TMPRSS15: variants seen among roughly 807,000 people sequenced by gnomAD.
The protein encoded by TMPRSS15 is enteropeptidase.
In TMPRSS15, 128 loss-of-function variants were observed where a neutral mutation model predicts 125.3. The ratio of observed to expected loss-of-function variants is 1.02; its 90% CI spans 0.89 to 1.18. The LOEUF (loss-of-function observed/expected upper bound fraction) is 1.18. Among genes scored for constraint, TMPRSS15 ranks in the 50% most tolerant of loss-of-function variants. The probability of loss-of-function intolerance (pLI) is 0.00; values close to 1 mark genes in which losing one functional copy is unlikely to be tolerated. For synonymous variants in TMPRSS15, 446 were observed against 423.2 expected, an observed-to-expected ratio of 1.05 and a Z score of -0.66; for missense variants, 1,283 against 1,212.7, an observed-to-expected ratio of 1.06 and a Z score of -0.86.
intron 23 of TMPRSS15, among the ~76,000 whole-genome samples, chr21:18,276,255 G>A (rs1036541784): frequency 6.6e-6 from 1 of 152,210 alleles, no homozygotes; most frequent in Admixed American, 6.5e-5. Flanking sequence ...ATATGACTCA[G>A]TAGTGCATTG....
intron 16 of TMPRSS15, among the ~76,000 whole-genome samples, chr21:18,319,180 T>C (rs552182354): frequency 6.6e-6 from 1 of 152,238 alleles, no homozygotes; most frequent in African/African-American, 2.4e-5. Flanking sequence ...ATGACCTTGG[T>C]TGAAGGTGCA....
intron 3 of TMPRSS15, among the ~76,000 whole-genome samples, chr21:18,391,134 C>T (rs1359557585): frequency 6.6e-6 from 1 of 152,140 alleles, no homozygotes; most frequent in African/African-American, 2.4e-5. Flanking sequence ...GACACAGAGC[C>T]AAACCATATC....
At chr21:18,291,242 T>A (rs1160110003) in intron 21 of TMPRSS15, among the ~76,000 whole-genome samples, 1 of 152,226 alleles carries the variant, frequency 6.6e-6, no homozygotes, top group Admixed American at 6.5e-5. Flanking sequence ...TGTGATTTGT[T>A]GGACATACAG....
chr21:18,444,400 G>A lies in TMPRSS15; in HGVS notation c.10+41399C>T, dbSNP rs567507652. Among the ~76,000 whole-genome samples, 19 of 152,122 alleles carry A rather than the reference G, an allele frequency of 1.2e-4. No individual in the cohort carries two copies. In the South Asian group the frequency reaches 3.5e-3, roughly 28 times the overall value. Reference sequence around the variant, plus strand: ...TCACAAGGACAGAAAACCAAACACCGCATGTTCTCACTCATAAGTGGGAGT... The same window carrying A: ...TCACAAGGACAGAAAACCAAACACCACATGTTCTCACTCATAAGTGGGAGT... On this transcript the variant is annotated intron_variant, in intron 1 of 7. Coordinates refer to the TMPRSS15 transcript ENST00000422787.
intron 1 of TMPRSS15, among the ~76,000 whole-genome samples, chr21:18,447,021 G>A (rs1391716778): frequency 6.6e-6 from 1 of 152,124 alleles, no homozygotes; most frequent in Non-Finnish European, 1.5e-5. Context: ...TAAACTATTT[G>A]CAATCTGTAC....
intron 5 of TMPRSS15, among the ~76,000 whole-genome samples, chr21:18,374,479 CAAAAAAAAAAAA>C (rs1165884199): frequency 1.7e-4 from 10 of 59,914 alleles, no homozygotes; most frequent in African/African-American, 2.3e-4. Context: ...GACTCCGTCT[CAAAAAAAAAAAA>C]AAAAAAAAAA....
intron 12 of TMPRSS15, 124 bp downstream of exon 12, chr21:18,343,382 G>A: frequency 1.1e-6 from 1 of 880,668 alleles, no homozygotes; most frequent in South Asian, 1.7e-5. Flanking sequence ...GGTAGATTGG[G>A]CAAGTAGAGA....
At position 18,312,998 on chromosome 21, in the gene TMPRSS15, A is replaced by G; in HGVS notation, c.2112T>C (p.Ala704=). The change falls in exon 18 of 25, where the codon GCT becomes GCC. Residue 704 remains alanine (A), a synonymous_variant. Coordinates refer to ENST00000284885, the MANE Select transcript of TMPRSS15 (RefSeq NM_002772.3). ...RIQSIWHTAC[A]ENWTTQISND... ...TTGAAATCTGGGTGGTCCAGTTCTC[A>G]GCACAAGCTGTATGCCATATGCTCT... 6.2e-7 allele frequency: 1 copy of G among 1,614,102 alleles called. No homozygotes were observed. Among genetic ancestry groups the G allele is most frequent in the Non-Finnish European group, 8.5e-7 (1 of 1,179,968 alleles).
rs1446152965 is a variant in TMPRSS15, at chr21:18,438,221, C to T, written c.11-39892G>A. ...AATCATCATTCTCAGTAAACTATCG[C>T]AAGGACAAAAAACCAAACACCGCAT... On this transcript the variant is annotated intron_variant, in intron 1 of 7. Transcript: ENST00000422787. 2.2e-4 allele frequency among the ~76,000 whole-genome samples: 33 copies of T among 149,786 alleles called. No individual in the cohort carries two copies. In the East Asian group the frequency reaches 6.6e-3, roughly 30 times the overall value.
chr21:18,423,563 C>T (rs1357655698), intron 1 of TMPRSS15, among the ~76,000 whole-genome samples: 2 of 151,616 alleles, frequency 1.3e-5, no homozygotes, highest in South Asian at 2.1e-4. Flanking sequence ...CGCCCGCCAC[C>T]ACACCCGGCT....
intron 1 of TMPRSS15, among the ~76,000 whole-genome samples, chr21:18,423,698 G>T (rs2076197088): frequency 6.7e-6 from 1 of 149,922 alleles, no homozygotes; most frequent in African/African-American, 2.4e-5. Context: ...TGACAGGCCT[G>T]AGCCACCGCG....
chr21:18,343,868 T>A (rs995457041), intron 11 of TMPRSS15, 87 bp downstream of exon 11: 4 of 1,339,242 alleles, frequency 3.0e-6, no homozygotes, highest in Non-Finnish European at 4.3e-6. Flanking sequence ...TTAGCCAACA[T>A]CTTAGTGAAA....
chr21:18,344,457 T>C (rs1449216431), intron 10 of TMPRSS15, among the ~76,000 whole-genome samples: 1 of 152,218 alleles, frequency 6.6e-6, no homozygotes, highest in Non-Finnish European at 1.5e-5. Flanking sequence ...TATACACATA[T>C]ATTTAAATAC....
At position 18,279,009 on chromosome 21, in the gene TMPRSS15, C is replaced by G; in HGVS notation, c.2719G>C (p.Gly907Arg). The change falls in exon 23 of 25, where the codon GGA (glycine) becomes CGA (arginine). Residue 907 changes from glycine to arginine, a missense_variant. Physicochemically the swap from Gly to Arg is moderately radical, Grantham distance 125 (BLOSUM62 -2). Coordinates refer to ENST00000284885, the MANE Select transcript of TMPRSS15 (RefSeq NM_002772.3). ...LPEENQVFPP[G>R]RNCSIAGWGT... is the part of the protein sequence containing the mutation. ...CAACCAGCAATAGAACAATTTCTTC[C>G]TGGAGGAAAAACTTGATTTTCTTCC... is the stretch of plus-strand genomic sequence containing the variant. 6.3e-7 allele frequency: 1 copy of G among 1,583,578 alleles called. No homozygotes were observed. Among genetic ancestry groups the G allele is most frequent in the South Asian group, 1.1e-5 (1 of 90,136 alleles).
intron 13 of TMPRSS15, among the ~76,000 whole-genome samples, chr21:18,334,966 T>C (rs990637885): frequency 1.3e-5 from 2 of 152,040 alleles, no homozygotes; most frequent in African/African-American, 4.8e-5. Context: ...GTACATGGGG[T>C]GCCGAGGAAG....
At chr21:18,440,328 G>C (rs1354672751) in intron 1 of TMPRSS15, among the ~76,000 whole-genome samples, 2 of 122,730 alleles carry the variant, frequency 1.6e-5, no homozygotes, top group African/African-American at 6.3e-5. Flanking sequence ...AGTCGAGATC[G>C]CGCCACTGCA....
chr21:18,328,056 A>G (rs2146964006), intron 15 of TMPRSS15, among the ~76,000 whole-genome samples: 1 of 152,260 alleles, frequency 6.6e-6, no homozygotes, highest in African/African-American at 2.4e-5. Context: ...CCATCTCAAC[A>G]ACAACAGCAA....
chr21:18,455,890 G>T lies in TMPRSS15; in HGVS notation c.10+29909C>A, dbSNP rs17772328. On this transcript the variant is annotated intron_variant, in intron 1 of 7. Coordinates refer to the TMPRSS15 transcript ENST00000422787. ...AATAGGAGTGAAAATGTCCCTCCTTGCATAGTATTGTATAGCAATCTAGAT... is the reference window on the plus strand; with the variant it reads ...AATAGGAGTGAAAATGTCCCTCCTTTCATAGTATTGTATAGCAATCTAGAT... 5.8e-3 allele frequency among the ~76,000 whole-genome samples: 888 copies of T among 152,210 alleles called. 6 individuals carry two copies. The highest frequency in any genetic ancestry group is 9.2e-3 in the Non-Finnish European group (625 of 68,004).
At chr21:18,319,113 G>T (rs1336177368) in intron 16 of TMPRSS15, among the ~76,000 whole-genome samples, 3 of 152,034 alleles carry the variant, frequency 2.0e-5, no homozygotes, top group Non-Finnish European at 4.4e-5. Flanking sequence ...GAATTATGAA[G>T]ATATAATTTA....
Sources: gnomAD v4.1 joint callset for allele counts (sites outside exome capture counted in the v4.1 genomes callset) on GRCh38, gnomAD v4.1.1 for gene constraint, MANE v1.5 for transcripts, NCBI Gene and HGNC (gene_info 2026-07-23, HGNC 2026-07-21) for gene names.